The following MGST1 variants were observed in gnomAD, a reference collection of about 807,000 sequenced individuals.
The protein encoded by MGST1 is microsomal glutathione S-transferase 1, also known as glutathione S-transferase 12.
In MGST1, 5 loss-of-function variants were observed where a neutral mutation model predicts 8.9. That is an observed-to-expected ratio of 0.56 (90% CI 0.29 to 1.19). The LOEUF is 1.19. Ranked by LOEUF, MGST1 falls within the 50% of genes most tolerant of loss-of-function variation. The pLI is 0.08. For missense variants in MGST1, 182 were observed against 187.4 expected (o/e 0.97, Z 0.17); for synonymous variants, 54 against 67.8 (o/e 0.80, Z 1.00).
At chr12:16,578,012 A>G (rs1943046951) in intron 4 of MGST1, among the ~76,000 whole-genome samples, 1 of 152,104 alleles carries the variant, frequency 6.6e-6, no homozygotes, top group Non-Finnish European at 1.5e-5. Flanking sequence ...CCACCATCTC[A>G]TTTGGAATTA....
intron 3 of MGST1, among the ~76,000 whole-genome samples, chr12:16,357,944 A>T (rs1939798394): frequency 1.3e-5 from 2 of 152,204 alleles, no homozygotes; most frequent in Admixed American, 1.3e-4. Flanking sequence ...GTATATAGGG[A>T]TGTATCAAAA....
Position 16,361,763 on chromosome 12 carries a change from A to T in MGST1, c.222-2032A>T, listed in dbSNP as rs936388440. ...TGTGGAAAACAGGCCTTACTAGCAT[A>T]GTGAGGAGTGTTATCTTTGAGAACA... is the stretch of plus-strand genomic sequence containing the variant. On this transcript the variant is annotated intron_variant, in intron 3 of 3. Coordinates refer to ENST00000396210, the MANE Select transcript of MGST1 (RefSeq NM_020300.5). The surrounding 1 kb of genome is among the most constrained non-coding windows in gnomAD (Gnocchi z 4.2). 2.0e-5 allele frequency among the ~76,000 whole-genome samples: 3 copies of T among 152,218 alleles called. No individual in the cohort carries two copies. The highest frequency in any genetic ancestry group is 7.2e-5 in the African/African-American group (3 of 41,450).
chr12:16,362,150 CA>C lies in MGST1; in HGVS notation c.222-1644del, dbSNP rs1458171798. 1.3e-5 allele frequency among the ~76,000 whole-genome samples: 2 copies of C among 152,136 alleles called. No individual in the cohort carries two copies. Among genetic ancestry groups the C allele is most frequent in the African/African-American group, 4.8e-5 (2 of 41,422 alleles). Reference sequence around the variant, plus strand: ...CTCTGTGATGCTGGGGGAGAAATCACAGGGGCAAAACAAATACTCTAGGTGT... The same window carrying C: ...CTCTGTGATGCTGGGGGAGAAATCACGGGGCAAAACAAATACTCTAGGTGT... On this transcript the variant is annotated intron_variant, in intron 3 of 3. Coordinates refer to ENST00000396210, the MANE Select transcript of MGST1 (RefSeq NM_020300.5). The surrounding 1 kb of genome is among the most constrained non-coding windows in gnomAD (Gnocchi z 4.4).
intron 4 of MGST1, among the ~76,000 whole-genome samples, chr12:16,581,721 G>A (rs952182852): frequency 5.3e-5 from 8 of 151,914 alleles, no homozygotes; most frequent in African/African-American, 1.9e-4. Context: ...AAAAATAGAG[G>A]ACTTTTTTTT....
intron 1 of MGST1, among the ~76,000 whole-genome samples, chr12:16,426,101 A>G (rs1222060729): frequency 6.6e-6 from 1 of 152,138 alleles, no homozygotes; most frequent in East Asian, 1.9e-4. Flanking sequence ...TTCTAAAGGG[A>G]TATCGGATCA....
In MGST1 at chr12:16,497,074, T is replaced by C. The variant is rs1466821459; in HGVS notation, n.483-92454T>C. Reference sequence around the variant, plus strand: ...TGTTATCTAAGAATAAGCTTTGTCTTCTTAGAAGAGAAAGAAATATTTAAT... The same window carrying C: ...TGTTATCTAAGAATAAGCTTTGTCTCCTTAGAAGAGAAAGAAATATTTAAT... On this transcript the variant is annotated intron_variant and non_coding_transcript_variant, in intron 4 of 4. Coordinates refer to the MGST1 transcript ENST00000538857. The surrounding 1 kb of genome is among the most constrained non-coding windows in gnomAD (Gnocchi z 4.4). Among the ~76,000 whole-genome samples the C allele has an allele frequency of 6.6e-6, 1 of 152,134 alleles. No individual in the cohort carries two copies. Among genetic ancestry groups the C allele is most frequent in the Non-Finnish European group, 1.5e-5 (1 of 68,004 alleles).
chr12:16,549,107 A>G (rs1025374253), intron 4 of MGST1: 15 of 152,274 alleles, frequency 9.9e-5, no homozygotes, highest in African/African-American at 3.1e-4. Context: ...CATCCATGTG[A>G]ATTTCAAGCA....
chr12:16,495,758 CTG>C (rs1350432003), intron 4 of MGST1, among the ~76,000 whole-genome samples: 1 of 151,732 alleles, frequency 6.6e-6, no homozygotes, highest in African/African-American at 2.4e-5. Context: ...TTCTCCAAAA[CTG>C]TATTCATTCT....
In MGST1 at chr12:16,503,497, T is replaced by C. The variant is rs1941518744; in HGVS notation, n.483-86031T>C. ...CTTTCTTTCCCTTTAACTGCCTTTG[T>C]TATTAGGATGAAGGATAAAGGACAT... On this transcript the variant is annotated intron_variant and non_coding_transcript_variant, in intron 4 of 4. Transcript: ENST00000538857. The surrounding 1 kb of genome is among the most constrained non-coding windows in gnomAD (Gnocchi z 4.8). Among the ~76,000 whole-genome samples, 1 of 152,208 alleles carries C rather than the reference T, an allele frequency of 6.6e-6. No homozygotes were observed. The highest frequency in any genetic ancestry group is 2.4e-5 in the African/African-American group (1 of 41,454).
chr12:16,385,085 C>T (rs759021762), intron 1 of MGST1, among the ~76,000 whole-genome samples: 1 of 152,060 alleles, frequency 6.6e-6, no homozygotes, highest in Non-Finnish European at 1.5e-5. Flanking sequence ...CGTGGACTTG[C>T]TAGAATGGAT....
chr12:16,485,218 A>G (rs1241132343), intron 4 of MGST1, among the ~76,000 whole-genome samples: 1 of 152,184 alleles, frequency 6.6e-6, no homozygotes, highest in Non-Finnish European at 1.5e-5. Context: ...AGTCTTTTGC[A>G]GGTTCATCAT....
intron 1 of MGST1, chr12:16,400,001 G>T: frequency 4.0e-6 from 6 of 1,488,760 alleles, no homozygotes; most frequent in Non-Finnish European, 5.6e-6. Context: ...CTCCTGTAGG[G>T]AGCTCTGTTA....
intron 4 of MGST1, among the ~76,000 whole-genome samples, chr12:16,542,719 T>A (rs563174980): frequency 2.6e-5 from 4 of 152,344 alleles, no homozygotes; most frequent in African/African-American, 9.6e-5. Context: ...GACTAAACTA[T>A]CAACATCCTC....
chr12:16,366,628 TACACACACACACAC>T (rs374809283), downstream of MGST1, among the ~76,000 whole-genome samples: 1 of 83,926 alleles, frequency 1.2e-5, no homozygotes, highest in Non-Finnish European at 2.1e-5. The surrounding 1 kb of genome is among the most constrained non-coding windows in gnomAD (Gnocchi z 4.0). Context: ...TATCTGTGTG[TACACACACACACAC>T]ACACACACAC....
intron 4 of MGST1, among the ~76,000 whole-genome samples, chr12:16,566,565 C>A (rs1942618613): frequency 6.6e-6 from 1 of 151,812 alleles, no homozygotes; most frequent in African/African-American, 2.4e-5. Flanking sequence ...AAGAAATTTT[C>A]AAAAAAGCTT....
intron 2 of MGST1, 121 bp downstream of exon 2, chr12:16,354,499 G>A (rs1939621381): frequency 1.1e-6 from 1 of 940,778 alleles, no homozygotes; most frequent in African/African-American, 1.7e-5. Context: ...TATGCTGTAA[G>A]TGAAGTATGC....
chr12:16,478,675 A>G (rs1338954548), intron 4 of MGST1, among the ~76,000 whole-genome samples: 1 of 152,140 alleles, frequency 6.6e-6, no homozygotes, highest in African/African-American at 2.4e-5. Context: ...CATAAAATAG[A>G]TAATAAATTA....
Position 16,585,142 on chromosome 12 carries a change from G to A in MGST1, n.483-4386G>A, listed in dbSNP as rs1240167787. Reference sequence around the variant, plus strand: ...AAGTCATGGCTTCCCCCTTTGGGTGGCGCATGCAAGCCCCAGTTCACAACG... The same window carrying A: ...AAGTCATGGCTTCCCCCTTTGGGTGACGCATGCAAGCCCCAGTTCACAACG... On this transcript the variant is annotated intron_variant and non_coding_transcript_variant, in intron 4 of 4. Coordinates refer to the MGST1 transcript ENST00000538857. The surrounding 1 kb of genome is among the most constrained non-coding windows in gnomAD (Gnocchi z 4.7). 6.6e-6 allele frequency among the ~76,000 whole-genome samples: 1 copy of A among 152,150 alleles called. No individual in the cohort carries two copies. Among genetic ancestry groups the A allele is most frequent in the African/African-American group, 2.4e-5 (1 of 41,420 alleles).
chr12:16,498,226 T>C (rs1039147116), intron 4 of MGST1, among the ~76,000 whole-genome samples: 3 of 152,168 alleles, frequency 2.0e-5, no homozygotes, highest in Non-Finnish European at 2.9e-5. Context: ...AGAAAAGACT[T>C]CTGGCTGAGC....
Sources: allele counts gnomAD v4.1 joint callset (sites outside exome capture counted in the v4.1 genomes callset), GRCh38; gene constraint gnomAD v4.1.1; non-coding constraint Gnocchi (gnomAD v3.1); transcripts MANE v1.5; gene names NCBI Gene and HGNC (gene_info 2026-07-23, HGNC 2026-07-21).